The following FAM163A variants were observed in gnomAD, a reference collection of about 807,000 sequenced individuals.
FAM163A encodes family with sequence similarity 163 member A.
In FAM163A, 7 loss-of-function variants were observed where a neutral mutation model predicts 12.0. The observed-to-expected ratio is 0.58, with a 90% confidence interval of 0.33 to 1.10. The LOEUF (loss-of-function observed/expected upper bound fraction) is 1.10, where lower values mean the gene tolerates loss of function less well. Ranked by LOEUF, FAM163A falls within the 50% of genes least tolerant of loss-of-function variation. The pLI, the probability that FAM163A is intolerant of heterozygous loss-of-function variation, is 0.03. For missense variants in FAM163A, 202 were observed against 218.6 expected (o/e 0.92, Z 0.48); for synonymous variants, 101 against 91.0 (o/e 1.11, Z -0.62).
At chr1:179,801,735 G>C (rs1292809150) in intron 1 of FAM163A, among the ~76,000 whole-genome samples, 1 of 152,196 alleles carries the variant, frequency 6.6e-6, no homozygotes, top group East Asian at 1.9e-4. Flanking sequence ...GAGCACAGCA[G>C]GATGGAAGGC....
chr1:179,733,844 A>G, the FAM163A span, among the ~76,000 whole-genome samples: 9 of 152,192 alleles, frequency 5.9e-5, no homozygotes, highest in Non-Finnish European at 1.0e-4. Context: ...TGACATGATG[A>G]TGCTCAAAGT....
intron 1 of FAM163A, among the ~76,000 whole-genome samples, chr1:179,747,846 G>A (rs1230378054): frequency 6.6e-6 from 1 of 150,446 alleles, no homozygotes; most frequent in African/African-American, 2.4e-5. Flanking sequence ...AGCAGTCAGT[G>A]TTCTGGGTTT....
At chr1:179,772,816 G>C (rs2148124974) in intron 1 of FAM163A, among the ~76,000 whole-genome samples, 1 of 151,756 alleles carries the variant, frequency 6.6e-6, no homozygotes, top group East Asian at 1.9e-4. Flanking sequence ...CTAGAACATG[G>C]CTTGCTCTAT....
At chr1:179,761,598 A>G (rs1366209043) in intron 1 of FAM163A, among the ~76,000 whole-genome samples, 1 of 152,236 alleles carries the variant, frequency 6.6e-6, no homozygotes, top group African/African-American at 2.4e-5. Context: ...AGAGCTTCCC[A>G]GCTGACTTTG....
chr1:179,742,848 G>A (rs1044565451), upstream of FAM163A, among the ~76,000 whole-genome samples: 1 of 152,138 alleles, frequency 6.6e-6, no homozygotes, highest in African/African-American at 2.4e-5. Context: ...CCTCAGCGGC[G>A]GGGACATCCA....
intron 1 of FAM163A, among the ~76,000 whole-genome samples, chr1:179,766,206 C>T (rs1049372173): frequency 2.0e-5 from 3 of 152,194 alleles, no homozygotes; most frequent in Admixed American, 2.0e-4. Flanking sequence ...TCATAGAAAC[C>T]AGAACCCCTT....
intron 2 of FAM163A, among the ~76,000 whole-genome samples, chr1:179,810,715 G>A (rs1439999328): frequency 3.3e-5 from 5 of 152,204 alleles, no homozygotes; most frequent in African/African-American, 4.8e-5. Context: ...GGTTTGCCCC[G>A]TATCTTTTCA....
upstream of FAM163A, among the ~76,000 whole-genome samples, chr1:179,741,690 C>G (rs975859849): frequency 6.6e-6 from 1 of 152,144 alleles, no homozygotes; most frequent in African/African-American, 2.4e-5. Context: ...AATATGCATG[C>G]AATATTATTC....
intron 1 of FAM163A, among the ~76,000 whole-genome samples, chr1:179,794,842 G>A (rs575867129): frequency 1.0e-3 from 159 of 152,214 alleles, no homozygotes; most frequent in African/African-American, 3.7e-3. Flanking sequence ...TTATGCAATC[G>A]TGTAACAGTG....
chr1:179,751,484 A>C (rs1685263773), intron 1 of FAM163A, among the ~76,000 whole-genome samples: 1 of 152,206 alleles, frequency 6.6e-6, no homozygotes, highest in Non-Finnish European at 1.5e-5. Flanking sequence ...TAGGTGGTTT[A>C]AGCAAGAGGT....
At chr1:179,777,739 C>T (rs1416548126) in intron 1 of FAM163A, among the ~76,000 whole-genome samples, 1 of 152,230 alleles carries the variant, frequency 6.6e-6, no homozygotes, top group Admixed American at 6.5e-5. Context: ...TCAGCCTCCC[C>T]TTTAAGAGGA....
At chr1:179,752,527 G>C (rs1250404552) in intron 1 of FAM163A, among the ~76,000 whole-genome samples, 1 of 151,040 alleles carries the variant, frequency 6.6e-6, no homozygotes, top group African/African-American at 2.4e-5. Context: ...TATGGGATGG[G>C]AGGAAATATT....
At chr1:179,779,466 T>C (rs2148166963) in intron 1 of FAM163A, among the ~76,000 whole-genome samples, 1 of 152,126 alleles carries the variant, frequency 6.6e-6, no homozygotes, top group African/African-American at 2.4e-5. Flanking sequence ...GGGTGACTCT[T>C]GGCCAGCATA....
chr1:179,801,355 C>T (rs114368454), intron 1 of FAM163A, among the ~76,000 whole-genome samples: 256 of 152,244 alleles, frequency 1.7e-3, no homozygotes, highest in African/African-American at 6.0e-3. Context: ...CTGACCACCA[C>T]CCCATACCCA....
chr1:179,732,054 T>C, the FAM163A span, among the ~76,000 whole-genome samples: 2 of 152,234 alleles, frequency 1.3e-5, no homozygotes, highest in Non-Finnish European at 2.9e-5. Flanking sequence ...GGTATTGTGC[T>C]GAGAAAGTTA....
chr1:179,804,083 C>G (rs1416674020), intron 1 of FAM163A: 1 of 151,890 alleles, frequency 6.6e-6, no homozygotes, highest in Non-Finnish European at 1.5e-5. Flanking sequence ...GATCACTCCC[C>G]TCCCCTGCTG....
chr1:179,807,705 AAGCT>A (rs1694149356), intron 1 of FAM163A, 89 bp from the exon 2 acceptor site: 2 of 152,380 alleles, frequency 1.3e-5, no homozygotes, highest in African/African-American at 2.4e-5. Context: ...TCCACTCTAG[AAGCT>A]GGGGTCACAA....
At chr1:179,777,344 T>C (rs1689119259) in intron 1 of FAM163A, among the ~76,000 whole-genome samples, 1 of 152,218 alleles carries the variant, frequency 6.6e-6, no homozygotes, top group Admixed American at 6.5e-5. Context: ...AACTTCAGTT[T>C]TTGATGCAAA....
intron 1 of FAM163A, among the ~76,000 whole-genome samples, chr1:179,776,553 G>A (rs1689009324): frequency 6.6e-6 from 1 of 151,762 alleles, no homozygotes; most frequent in African/African-American, 2.4e-5. Flanking sequence ...TTCACTTATG[G>A]CCACTTATCC....
Sources: gnomAD v4.1 joint callset for allele counts (sites outside exome capture counted in the v4.1 genomes callset) on GRCh38, gnomAD v4.1.1 for gene constraint, MANE v1.5 for transcripts, NCBI Gene and HGNC (gene_info 2026-07-23, HGNC 2026-07-21) for gene names.